The following UNC5C variants were observed in gnomAD, a reference collection of about 807,000 sequenced individuals.
UNC5C encodes the protein unc-5 netrin receptor C.
Under a neutral mutation model 99.8 loss-of-function variants are expected in UNC5C, and 47 were observed. The ratio of observed to expected loss-of-function variants is 0.47; its 90% CI spans 0.37 to 0.60. The LOEUF is 0.60. Ranked by LOEUF, UNC5C falls within the 20% of genes least tolerant of loss-of-function variation. The pLI, the probability that UNC5C is intolerant of heterozygous loss-of-function variation, is 0.00. For missense variants in UNC5C, 1,062 were observed against 1,165.9 expected (o/e 0.91, Z 1.30); for synonymous variants, 487 against 452.2 (o/e 1.08, Z -0.98).
In UNC5C at chr4:95,252,723, A is replaced by G. The variant is rs539693013; in HGVS notation, c.595-2056T>C. ...AGCACCAACGTGACACCACAAGTAG[A>G]AAATCCCACACATGACCTCATGACC... On this transcript the variant is annotated intron_variant, in intron 4 of 15. Transcript: ENST00000453304. Among the ~76,000 whole-genome samples the G allele has an allele frequency of 2.6e-5, 4 of 152,336 alleles. No individual in the cohort carries two copies. The East Asian group carries it at 7.7e-4, about 29-fold the overall frequency.
intron 2 of UNC5C, among the ~76,000 whole-genome samples, chr4:95,322,881 T>G (rs1413019145): frequency 1.3e-5 from 2 of 148,476 alleles, no homozygotes; most frequent in South Asian, 2.1e-4. Context: ...GAGATTGCAG[T>G]GAGCCGAGAT....
chr4:95,195,367 A>G (rs1039414696), intron 12 of UNC5C, among the ~76,000 whole-genome samples: 3 of 152,068 alleles, frequency 2.0e-5, no homozygotes, highest in Admixed American at 6.5e-5. Flanking sequence ...AACCTTTAAC[A>G]CACGTTTTGT....
intron 1 of UNC5C, among the ~76,000 whole-genome samples, chr4:95,464,990 T>C (rs1019926437): frequency 6.6e-6 from 1 of 152,154 alleles, no homozygotes; most frequent in African/African-American, 2.4e-5. Context: ...AAAGATATTC[T>C]TGTGGAGCTT....
At chr4:95,436,818 T>C (rs1746807139) in intron 1 of UNC5C, among the ~76,000 whole-genome samples, 1 of 151,888 alleles carries the variant, frequency 6.6e-6, no homozygotes, top group Non-Finnish European at 1.5e-5. Context: ...GCCAATATTA[T>C]AATCTTAGAA....
At chr4:95,274,353 C>T (rs1740776146) in intron 4 of UNC5C, among the ~76,000 whole-genome samples, 2 of 152,168 alleles carry the variant, frequency 1.3e-5, no homozygotes, top group East Asian at 1.9e-4. Context: ...TCTGATAGAG[C>T]GCTAGGCCCC....
intron 1 of UNC5C, among the ~76,000 whole-genome samples, chr4:95,453,495 GA>G (rs956984268): frequency 1.3e-5 from 2 of 150,306 alleles, no homozygotes; most frequent in Admixed American, 6.6e-5. Flanking sequence ...AGAAAAGGAA[GA>G]AAAAAAAGAA....
chr4:95,513,057 G>A (rs554957384), intron 1 of UNC5C, among the ~76,000 whole-genome samples: 2 of 152,188 alleles, frequency 1.3e-5, no homozygotes, highest in South Asian at 2.1e-4. Context: ...CTCCACAAGT[G>A]GTTTGACAAA....
intron 12 of UNC5C, among the ~76,000 whole-genome samples, chr4:95,189,623 T>A (rs1736986203): frequency 1.3e-5 from 2 of 152,112 alleles, no homozygotes; most frequent in Admixed American, 1.3e-4. Context: ...GAATCTACAA[T>A]GAACTCAAAC....
At chr4:95,520,890 C>T (rs571327812) in intron 1 of UNC5C, among the ~76,000 whole-genome samples, 119 of 152,148 alleles carry the variant, frequency 7.8e-4, no homozygotes, top group South Asian at 2.1e-3. Flanking sequence ...TGAGCCACCG[C>T]GCCCGGCCTA....
chr4:95,524,607 C>A (rs182374465), intron 1 of UNC5C, among the ~76,000 whole-genome samples: 4 of 152,102 alleles, frequency 2.6e-5, no homozygotes, highest in Non-Finnish European at 5.9e-5. Flanking sequence ...TTGTTTTAGA[C>A]GGGACATGTG....
chr4:95,308,471 G>A (rs1742139381), intron 2 of UNC5C, among the ~76,000 whole-genome samples: 1 of 151,906 alleles, frequency 6.6e-6, no homozygotes, highest in African/African-American at 2.4e-5. Flanking sequence ...ATTAATGGAA[G>A]GCCAGGTGCG....
chr4:95,484,060 T>TA (rs966914663), intron 1 of UNC5C, among the ~76,000 whole-genome samples: 28 of 151,634 alleles, frequency 1.8e-4, no homozygotes, highest in Non-Finnish European at 3.2e-4. Context: ...ACAAAAATAT[T>TA]AAAAAAACCA....
chr4:95,189,596 C>CA (rs1736985008), intron 12 of UNC5C, among the ~76,000 whole-genome samples: 1 of 152,188 alleles, frequency 6.6e-6, no homozygotes, highest in Admixed American at 6.5e-5. Flanking sequence ...ACTCATCTGA[C>CA]AAAGGGCTAA....
At chr4:95,433,415 G>A (rs1018068839) in intron 1 of UNC5C, among the ~76,000 whole-genome samples, 2 of 151,846 alleles carry the variant, frequency 1.3e-5, no homozygotes, top group Non-Finnish European at 2.9e-5. Flanking sequence ...TCATTTTGGA[G>A]CATTTATTTT....
At chr4:95,356,208 AAAAAC>A (rs1311127051) in intron 1 of UNC5C, among the ~76,000 whole-genome samples, 6 of 131,356 alleles carry the variant, frequency 4.6e-5, no homozygotes, top group African/African-American at 1.2e-4. Flanking sequence ...AAAAAAAAAA[AAAAAC>A]AAAACAAAAA....
intron 1 of UNC5C, among the ~76,000 whole-genome samples, chr4:95,374,904 G>C (rs1012232511): frequency 6.6e-6 from 1 of 152,162 alleles, no homozygotes; most frequent in Non-Finnish European, 1.5e-5. Flanking sequence ...AGTTAAAAAT[G>C]TTATGGTTGC....
intron 1 of UNC5C, among the ~76,000 whole-genome samples, chr4:95,431,741 G>T (rs931299865): frequency 6.6e-6 from 1 of 152,074 alleles, no homozygotes; most frequent in Admixed American, 6.6e-5. Flanking sequence ...TAAAGTGTGT[G>T]TGTGTATTCA....
chr4:95,539,017 G>T (rs139003967), intron 1 of UNC5C, among the ~76,000 whole-genome samples: 1 of 152,256 alleles, frequency 6.6e-6, no homozygotes, highest in Non-Finnish European at 1.5e-5. Flanking sequence ...TTGATTAAGA[G>T]CTTGAAACAA....
chr4:95,247,020 G>A lies in UNC5C; in HGVS notation c.776-1876C>T, dbSNP rs558713909. ...TGCGCCACTGCACCCTAGCCTGGGC[G>A]ACAGTGAAACCCTGTCTCAAATAAA... On this transcript the variant is annotated intron_variant, in intron 5 of 15. Transcript: ENST00000453304. 6.5e-4 allele frequency among the ~76,000 whole-genome samples: 99 copies of A among 151,434 alleles called. No individual in the cohort carries two copies. The South Asian group carries it at 0.012, about 19-fold the overall frequency.
Sources: gnomAD v4.1 joint callset for allele counts (sites outside exome capture counted in the v4.1 genomes callset) on GRCh38, gnomAD v4.1.1 for gene constraint, MANE v1.5 for transcripts, NCBI Gene and HGNC (gene_info 2026-07-23, HGNC 2026-07-21) for gene names.